The following ITSN1 variants were observed in gnomAD, a reference collection of about 807,000 sequenced individuals.
ITSN1 encodes intersectin 1.
A neutral mutation model predicts 239.8 loss-of-function variants in ITSN1; 58 were observed. The ratio of observed to expected loss-of-function variants is 0.24; its 90% CI spans 0.20 to 0.30. The LOEUF (loss-of-function observed/expected upper bound fraction) is 0.30. Among genes scored for constraint, ITSN1 ranks in the 10% least tolerant of loss-of-function variants. The pLI is 1.00. For missense variants in ITSN1, 1,558 were observed against 2,103.3 expected (o/e 0.74, Z 5.07); for synonymous variants, 780 against 770.8 (o/e 1.01, Z -0.20).
At chr21:33,883,451 A>T in intron 35 of ITSN1, 99 bp from the exon 36 acceptor site, 1 of 1,517,736 alleles carries the variant, frequency 6.6e-7, no homozygotes, top group Non-Finnish European at 9.0e-7. Context: ...AGTCTCGTTT[A>T]CTAGAACACA....
At chr21:33,645,184 T>C (rs751892140) in intron 1 of ITSN1, among the ~76,000 whole-genome samples, 2 of 152,196 alleles carry the variant, frequency 1.3e-5, no homozygotes, top group Non-Finnish European at 2.9e-5. Context: ...TGTAGAGAAT[T>C]GATGACACGA....
intron 4 of ITSN1, among the ~76,000 whole-genome samples, chr21:33,732,020 G>A (rs1387949797): frequency 2.6e-5 from 4 of 152,128 alleles, no homozygotes; most frequent in African/African-American, 9.7e-5. Flanking sequence ...CTGGAACAAT[G>A]GGACAACTGG....
rs1273583546 is a variant in ITSN1, at chr21:33,893,053, C to G, written c.*4753C>G. The G allele has an allele frequency of 6.6e-6, 1 of 152,252 alleles. No individual in the cohort carries two copies. The highest frequency in any genetic ancestry group is 1.5e-5 in the Non-Finnish European group (1 of 68,080). 9.4% of individuals were successfully genotyped at this position (152,252 alleles called of 1,614,324 possible). A position where few individuals can be genotyped will look rare whatever the true frequency, so the allele number is the denominator to read the frequency against. ...TGGGGGACCCACAGGTCAGCCCATT[C>G]CAGGAGAAGCAGTCTTAGGCCCGTT... is the stretch of plus-strand genomic sequence containing the variant. On this transcript the variant is annotated 3_prime_UTR_variant, in exon 40 of 40. Transcript: ENST00000381318.
At chr21:33,720,773 C>T (rs1183077827) in intron 2 of ITSN1, among the ~76,000 whole-genome samples, 1 of 152,114 alleles carries the variant, frequency 6.6e-6, no homozygotes, top group African/African-American at 2.4e-5. Context: ...ATTTATCACA[C>T]TCACCTTCTT....
intron 1 of ITSN1, among the ~76,000 whole-genome samples, chr21:33,685,054 C>G (rs1373839362): frequency 1.3e-5 from 2 of 152,184 alleles, no homozygotes; most frequent in African/African-American, 2.4e-5. Context: ...TTGTCTCCAT[C>G]CTGCCACCCT....
intron 1 of ITSN1, among the ~76,000 whole-genome samples, chr21:33,647,879 A>C (rs985417867): frequency 6.6e-6 from 1 of 152,218 alleles, no homozygotes; most frequent in African/African-American, 2.4e-5. Context: ...ATAACCCTGC[A>C]GTGACTGTCC....
chr21:33,833,669 C>T (rs2074426824), intron 27 of ITSN1, among the ~76,000 whole-genome samples: 1 of 152,100 alleles, frequency 6.6e-6, no homozygotes, highest in African/African-American at 2.4e-5. Flanking sequence ...AGATCGAGAC[C>T]ATCCTGGCTA....
intron 1 of ITSN1, among the ~76,000 whole-genome samples, chr21:33,704,816 C>T (rs542770449): frequency 6.7e-5 from 10 of 149,702 alleles, no homozygotes; most frequent in Admixed American, 2.0e-4. Context: ...TGGCCGGGCG[C>T]GGTGGCTCAC....
At chr21:33,778,033 G>C (rs1222916854) in intron 14 of ITSN1, among the ~76,000 whole-genome samples, 1 of 152,158 alleles carries the variant, frequency 6.6e-6, no homozygotes. Context: ...ATTGAGATAA[G>C]TATGTGTTTT....
chr21:33,844,742 G>A (rs764010336), intron 29 of ITSN1, among the ~76,000 whole-genome samples: 2 of 152,116 alleles, frequency 1.3e-5, no homozygotes, highest in Admixed American at 6.5e-5. Flanking sequence ...GAGGGGACCA[G>A]GCCAGGGATG....
chr21:33,749,358 C>T lies in ITSN1; in HGVS notation c.347-785C>T, dbSNP rs113942553. Reference sequence around the variant, plus strand: ...GAATATTTTTGTATAAAGATGCTTCCAGGGCCAGGCACAGTGGCTCATGCC... The same window carrying T: ...GAATATTTTTGTATAAAGATGCTTCTAGGGCCAGGCACAGTGGCTCATGCC... On this transcript the variant is annotated intron_variant, in intron 5 of 39. Coordinates refer to ENST00000381318, the MANE Select transcript of ITSN1 (RefSeq NM_003024.3). Among the ~76,000 whole-genome samples the T allele has an allele frequency of 7.2e-3, 1,098 of 151,930 alleles. 14 individuals are homozygous for T. Among genetic ancestry groups the T allele is most frequent in the African/African-American group, 0.025 (1,045 of 41,442 alleles).
At chr21:33,843,813 C>T (rs941167348) in intron 29 of ITSN1, among the ~76,000 whole-genome samples, 4 of 152,192 alleles carry the variant, frequency 2.6e-5, no homozygotes, top group African/African-American at 7.2e-5. Flanking sequence ...GTTATGTAAC[C>T]TCTTTGTGCT....
rs11319527 is a variant in ITSN1, at chr21:33,887,943, G to GT, written c.5018-198dup. Among the ~76,000 whole-genome samples, 146 of 148,952 alleles carry GT rather than the reference G, an allele frequency of 9.8e-4. 1 individual carries two copies. The highest frequency in any genetic ancestry group is 4.0e-3 in the South Asian group (19 of 4,728). On this transcript the variant is annotated intron_variant, in intron 39 of 39. Coordinates refer to ENST00000381318, the MANE Select transcript of ITSN1 (RefSeq NM_003024.3). The stretch of plus-strand genomic sequence containing the variant: ...TCTGAGAGATAAAGGTTGGGGTTGG[G>GT]TTTTTTTTTTTATTTAAGTAATGAA...
chr21:33,671,318 C>T (rs2090260243), intron 1 of ITSN1, among the ~76,000 whole-genome samples: 1 of 151,926 alleles, frequency 6.6e-6, no homozygotes. Context: ...GACAGAGTTT[C>T]AATCTTGTCA....
chr21:33,693,420 G>C (rs1354877512), intron 1 of ITSN1, among the ~76,000 whole-genome samples: 1 of 150,360 alleles, frequency 6.7e-6, no homozygotes, highest in Non-Finnish European at 1.5e-5. Flanking sequence ...GCAATGGTGT[G>C]ATCTCGGCTC....
chr21:33,805,757 C>T (rs1225581382), intron 20 of ITSN1, among the ~76,000 whole-genome samples: 2 of 151,528 alleles, frequency 1.3e-5, no homozygotes, highest in South Asian at 4.2e-4. Flanking sequence ...CTGCAAGCTC[C>T]GCCTCCCGGG....
At chr21:33,741,081 A>C (rs2066821286) in intron 5 of ITSN1, among the ~76,000 whole-genome samples, 1 of 152,098 alleles carries the variant, frequency 6.6e-6, no homozygotes, top group Non-Finnish European at 1.5e-5. Context: ...TGTCTTTTTG[A>C]GGTTAGCCTC....
At chr21:33,717,141 T>A (rs8130062) in intron 1 of ITSN1, among the ~76,000 whole-genome samples, 8,595 of 152,152 alleles carry the variant, frequency 0.056, 794 homozygotes, top group African/African-American at 0.19. Context: ...TCATTTTTTT[T>A]AATTTAAATT....
intron 22 of ITSN1, chr21:33,817,705 G>A: frequency 9.6e-7 from 1 of 1,036,380 alleles, no homozygotes; most frequent in South Asian, 1.7e-5. Flanking sequence ...GGCAGTGCAT[G>A]TAGATGTACA....
Sources: allele counts gnomAD v4.1 joint callset (sites outside exome capture counted in the v4.1 genomes callset), GRCh38; gene constraint gnomAD v4.1.1; transcripts MANE v1.5; gene names NCBI Gene and HGNC (gene_info 2026-07-23, HGNC 2026-07-21).